EEF1AKMT3: variants seen among roughly 807,000 people sequenced by gnomAD.
The protein encoded by EEF1AKMT3 is EEF1A lysine methyltransferase 3, also known as eEF1A-KMT3.
In EEF1AKMT3, 17 loss-of-function variants were observed where a neutral mutation model predicts 17.8. The ratio of observed to expected loss-of-function variants is 0.96; its 90% CI spans 0.65 to 1.43. EEF1AKMT3 has a LOEUF of 1.43. EEF1AKMT3 is among the 40% of genes most tolerant of loss of function. EEF1AKMT3 has a pLI of 0.00. For missense variants in EEF1AKMT3, 244 were observed against 285.8 expected, an observed-to-expected ratio of 0.85 and a Z score of 1.06; for synonymous variants, 116 against 126.5, an observed-to-expected ratio of 0.92 and a Z score of 0.56.
In EEF1AKMT3 at chr12:57,778,293, C is replaced by T. The variant is rs374782386; in HGVS notation, c.290-1962C>T. 5.0e-3 allele frequency among the ~76,000 whole-genome samples: 220 copies of T among 43,900 alleles called. 3 individuals carry two copies. Among genetic ancestry groups the T allele is most frequent in the South Asian group, 0.012 (7 of 572 alleles). 28.8% of individuals were successfully genotyped at this position (43,900 alleles called of 152,430 possible). On this transcript the variant is annotated intron_variant, in intron 2 of 2. Coordinates refer to ENST00000300209, the MANE Select transcript of EEF1AKMT3 (RefSeq NM_015433.3). ...CCAAACACCCAGAAACCATCCTGAG[C>T]TTTTTTTTTTTTTTTGAGACAGGTT...
intron 2 of EEF1AKMT3, among the ~76,000 whole-genome samples, chr12:57,775,570 CAG>C (rs1452081140): frequency 2.6e-5 from 4 of 152,100 alleles, no homozygotes. Flanking sequence ...TTAGTAGAGA[CAG>C]AGTTTTGCCA....
intron 2 of EEF1AKMT3, among the ~76,000 whole-genome samples, chr12:57,776,078 T>C (rs539378372): frequency 1.3e-5 from 2 of 152,312 alleles, no homozygotes; most frequent in Admixed American, 1.3e-4. Context: ...GAGTGATCTT[T>C]TCAAAATAAA....
intron 2 of EEF1AKMT3, among the ~76,000 whole-genome samples, chr12:57,778,019 CAAAA>C (rs35823549): frequency 2.3e-5 from 2 of 85,440 alleles, no homozygotes; most frequent in Admixed American, 1.4e-4. Flanking sequence ...GACTCCATCT[CAAAA>C]AAAAAAAAAA....
rs766613478 is a variant in EEF1AKMT3, at chr12:57,780,421, C to T, written c.456C>T (p.Ile152=). Reference sequence around the variant, plus strand: ...ATGACCTGGTGCTGGGGGCTGATATCGTGTACCTGGAACCCACCTTCCCTC... The same window carrying T: ...ATGACCTGGTGCTGGGGGCTGATATTGTGTACCTGGAACCCACCTTCCCTC... ...ANYDLVLGAD[I]VYLEPTFPLL... The change falls in exon 3 of 3, where the codon ATC becomes ATT. Residue 152 remains isoleucine (I), a synonymous_variant. Transcript: ENST00000300209. 3.0e-5 allele frequency: 48 copies of T among 1,614,072 alleles called. No individual in the cohort carries two copies. The highest frequency in any genetic ancestry group is 1.6e-4 in the Middle Eastern group (1 of 6,084).
In EEF1AKMT3 at chr12:57,773,093, G is replaced by A. The variant is rs1368293740; in HGVS notation, c.254G>A (p.Gly85Glu). ...RGKKVIELGAGTGIVGILAAL... is the reference protein window; with the variant it reads ...RGKKVIELGAETGIVGILAAL... ...AAGAAGGTGATCGAACTGGGTGCGG[G>A]GACAGGCATCGTGGGGATCTTGGCA... is the stretch of plus-strand genomic sequence containing the variant. Residue 85 changes from glycine to glutamate, a missense_variant, in exon 2 of 3, where the codon GGG becomes GAG. Physicochemically the swap from Gly to Glu is moderately conservative, Grantham distance 98. Transcript: ENST00000300209. 14 of 1,614,036 alleles carry A rather than the reference G, an allele frequency of 8.7e-6. No homozygotes were observed. The highest frequency in any genetic ancestry group is 1.2e-5 in the Non-Finnish European group (14 of 1,180,036).
Position 57,772,827 on chromosome 12 carries a change from T to G in EEF1AKMT3, c.103T>G (p.Phe35Val). The change falls in exon 1 of 3, where the codon TTC (phenylalanine) becomes GTC (valine). Residue 35 changes from phenylalanine (F) to valine (V), a missense_variant. Physicochemically the swap from Phe to Val is conservative, Grantham distance 50. Transcript: ENST00000300209. The surrounding 1 kb of genome is among the most constrained non-coding windows in gnomAD (Gnocchi z 4.1). ...TTACTCGGAGAAGAGCCAGTTCTGT[T>G]TCTGTGGGCATGTGCTGACCATCAC... ...DSYSEKSQFC[F>V]CGHVLTITQN... is the part of the protein sequence containing the mutation. 6.2e-7 allele frequency: 1 copy of G among 1,614,182 alleles called. No homozygotes were observed. Among genetic ancestry groups the G allele is most frequent in the Non-Finnish European group, 8.5e-7 (1 of 1,180,000 alleles).
At chr12:57,778,307 T>TTTTTTTTTTTC (rs536788916) in intron 2 of EEF1AKMT3, among the ~76,000 whole-genome samples, 1 of 105,306 alleles carries the variant, frequency 9.5e-6, no homozygotes, top group Non-Finnish European at 2.0e-5. Context: ...TTTTTTTTTT[T>TTTTTTTTTTTC]TGAGACAGGT....
At position 57,781,000 on chromosome 12, in the gene EEF1AKMT3, C is replaced by T; in HGVS notation, c.*354C>T. On this transcript the variant is annotated 3_prime_UTR_variant, in exon 3 of 3. Transcript: ENST00000300209. ...TAGACAGACTGTCACTGATCACTTC[C>T]ATTCCTGTTGCTGTTTACACAGAAT... is the stretch of plus-strand genomic sequence containing the variant. The T allele has an allele frequency of 3.4e-6, 1 of 297,396 alleles. No individual in the cohort carries two copies. Among genetic ancestry groups the T allele is most frequent in the Non-Finnish European group, 6.3e-6 (1 of 158,844 alleles). 18.4% of individuals were successfully genotyped at this position (297,396 alleles called of 1,614,324 possible). A position where few individuals can be genotyped will look rare whatever the true frequency, so the allele number is the denominator to read the frequency against.
At position 57,772,829 on chromosome 12, in the gene EEF1AKMT3, C is replaced by A. The variant is rs947985330; in HGVS notation, c.105C>A (p.Phe35Leu). Reference protein sequence around the residue: ...DSYSEKSQFCFCGHVLTITQN... With the variant: ...DSYSEKSQFCLCGHVLTITQN... ...ACTCGGAGAAGAGCCAGTTCTGTTT[C>A]TGTGGGCATGTGCTGACCATCACGC... Residue 35 changes from phenylalanine (F) to leucine (L), a missense_variant, in exon 1 of 3, where the codon TTC becomes TTA. Transcript: ENST00000300209. The surrounding 1 kb of genome is among the most constrained non-coding windows in gnomAD (Gnocchi z 4.1). The A allele has an allele frequency of 6.8e-6, 11 of 1,614,090 alleles. No individual in the cohort carries two copies. Among genetic ancestry groups the A allele is most frequent in the Non-Finnish European group, 9.3e-6 (11 of 1,180,022 alleles).
intron 2 of EEF1AKMT3, chr12:57,774,775 G>A: frequency 6.2e-7 from 1 of 1,602,522 alleles, no homozygotes; most frequent in Non-Finnish European, 8.5e-7. Flanking sequence ...CAGGTGAGGA[G>A]GAGGTGAACA....
chr12:57,777,373 C>A (rs540509581), intron 2 of EEF1AKMT3, among the ~76,000 whole-genome samples: 1 of 152,336 alleles, frequency 6.6e-6, no homozygotes, highest in East Asian at 1.9e-4. Context: ...TATTCAGTGT[C>A]TAGTTCCTCT....
rs1469752230 is a variant in EEF1AKMT3 at position 57,781,491 on chromosome 12, G to A, written c.*845G>A. 1 of 152,118 alleles carries A rather than the reference G, an allele frequency of 6.6e-6. No homozygotes were observed. Among genetic ancestry groups the A allele is most frequent in the East Asian group, 1.9e-4 (1 of 5,184 alleles). The allele number at this position is 152,118 out of a possible 1,614,324, so 9.4% of individuals were successfully genotyped here. A position where few individuals can be genotyped will look rare whatever the true frequency, so the allele number is the denominator to read the frequency against. On this transcript the variant is annotated 3_prime_UTR_variant, in exon 3 of 3. Transcript: ENST00000300209. Reference sequence around the variant, plus strand: ...TCCTGCTTTTTAGAGATAGAGTCTAGTGGAACCATGGCTCTAACTGGGTCA... The same window carrying A: ...TCCTGCTTTTTAGAGATAGAGTCTAATGGAACCATGGCTCTAACTGGGTCA...
intron 2 of EEF1AKMT3, among the ~76,000 whole-genome samples, chr12:57,773,437 G>GT (rs1375774970): frequency 9.4e-5 from 14 of 148,996 alleles, no homozygotes; most frequent in African/African-American, 3.2e-4. Context: ...AATTTTTTTT[G>GT]TTTTTTTGAG....
chr12:57,774,631 G>A (rs371245015), intron 2 of EEF1AKMT3: 1 of 1,376,496 alleles, frequency 7.3e-7, no homozygotes, highest in African/African-American at 1.4e-5. Flanking sequence ...TCCCCAAGGA[G>A]CTTATGGTCT....
chr12:57,778,533 C>G (rs1369093330), intron 2 of EEF1AKMT3, among the ~76,000 whole-genome samples: 1 of 151,848 alleles, frequency 6.6e-6, no homozygotes, highest in Non-Finnish European at 1.5e-5. Flanking sequence ...CTCCTGGACT[C>G]AAGCAGTCAT....
In EEF1AKMT3 at chr12:57,782,507, T is replaced by TG. The variant is rs917186899; in HGVS notation, c.*1862dup. 4.6e-6 allele frequency: 2 copies of TG among 436,118 alleles called. No homozygotes were observed. Among genetic ancestry groups the TG allele is most frequent in the African/African-American group, 4.0e-5 (2 of 49,932 alleles). 27.0% of individuals were successfully genotyped at this position (436,118 alleles called of 1,614,324 possible). ...GTCATAAATGGATAATGAATATAAA[T>TG]GCGCATTGAAAATAAACATAAAATG... On this transcript the variant is annotated 3_prime_UTR_variant, in exon 3 of 3. Coordinates refer to ENST00000300209, the MANE Select transcript of EEF1AKMT3 (RefSeq NM_015433.3).
intron 2 of EEF1AKMT3, among the ~76,000 whole-genome samples, chr12:57,777,266 T>G (rs776416672): frequency 1.5e-4 from 23 of 152,202 alleles, no homozygotes; most frequent in Non-Finnish European, 2.6e-4. Flanking sequence ...ATGCTATGAT[T>G]TCTCTTATTT....
Position 57,773,146 on chromosome 12 carries a change from T to C in EEF1AKMT3, c.289+18T>C, listed in dbSNP as rs748265756. The C allele has an allele frequency of 1.2e-6, 2 of 1,612,928 alleles. No individual in the cohort carries two copies. Among genetic ancestry groups the C allele is most frequent in the South Asian group, 2.2e-5 (2 of 91,020 alleles). On this transcript the variant is annotated intron_variant, in intron 2 of 2. Transcript: ENST00000300209. Reference sequence around the variant, plus strand: ...GCTGCAGGGTGCGTGAGCTGGCTTTTTACGGGAGAGAGTGGGGACCCAGGG... The same window carrying C: ...GCTGCAGGGTGCGTGAGCTGGCTTTCTACGGGAGAGAGTGGGGACCCAGGG...
intron 2 of EEF1AKMT3, among the ~76,000 whole-genome samples, chr12:57,774,257 G>T (rs899855868): frequency 5.3e-5 from 8 of 152,208 alleles, no homozygotes; most frequent in African/African-American, 1.9e-4. Context: ...AAGGTGGGTG[G>T]ATCACCTGAG....
Sources: allele counts gnomAD v4.1 joint callset (sites outside exome capture counted in the v4.1 genomes callset), GRCh38; gene constraint gnomAD v4.1.1; non-coding constraint Gnocchi (gnomAD v3.1); transcripts MANE v1.5; gene names NCBI Gene and HGNC (gene_info 2026-07-23, HGNC 2026-07-21).